Variants in MACF1 observed in about 807,000 individuals in gnomAD.
MACF1 encodes the protein microtubule actin crosslinking factor 1, also known as microtubule-actin cross-linking factor 1.
Under a neutral mutation model 854.8 loss-of-function variants are expected in MACF1, and 193 were observed. The observed-to-expected ratio is 0.23, with a 90% CI of 0.20 to 0.25. MACF1 has a LOEUF of 0.25. Ranked by LOEUF, MACF1 falls within the 10% of genes least tolerant of loss-of-function variation. MACF1 has a pLI of 1.00. For synonymous variants in MACF1, 3,185 were observed against 3,226.7 expected (o/e 0.99, Z 0.44); for missense variants, 7,722 against 8,929.1 (o/e 0.86, Z 5.45).
At chr1:39,430,456 A>G (rs1643861040) in intron 65 of MACF1, among the ~76,000 whole-genome samples, 1 of 152,166 alleles carries the variant, frequency 6.6e-6, no homozygotes, top group African/African-American at 2.4e-5. Context: ...TGAAAGAAGT[A>G]TTAGTTGTTT....
At chr1:39,178,729 G>T (rs1259865910) in intron 2 of MACF1, among the ~76,000 whole-genome samples, 1 of 152,170 alleles carries the variant, frequency 6.6e-6, no homozygotes, top group Non-Finnish European at 1.5e-5. Context: ...TGAAATTCTG[G>T]TCTGGTGTCT....
intron 27 of MACF1, 48 bp from the exon 28 acceptor site, chr1:39,316,343 C>T (rs1408764911): frequency 1.3e-6 from 2 of 1,532,672 alleles, no homozygotes; most frequent in Non-Finnish European, 1.8e-6. Flanking sequence ...ATAACCCTGG[C>T]TCCTAAAATT....
intron 2 of MACF1, among the ~76,000 whole-genome samples, chr1:39,160,297 G>A (rs1229434402): frequency 1.3e-5 from 2 of 152,206 alleles, no homozygotes; most frequent in Non-Finnish European, 2.9e-5. Context: ...AGTCTGGAGT[G>A]AGAAGAGTGC....
In MACF1 at chr1:39,387,432, G is replaced by A. The variant is rs1641848897; in HGVS notation, c.14590G>A (p.Val4864Ile). Residue 4864 changes from valine (V) to isoleucine (I), a missense_variant, in exon 58 of 101, where the codon GTA becomes ATA. By Grantham distance (29) the Val-to-Ile change is conservative (BLOSUM62 3). Around this residue, in one of 15 missense-constraint regions of MACF1, gnomAD observed 2,807 missense variants for 3,235.8 expected, o/e 0.87. Coordinates refer to ENST00000564288, the MANE Select transcript of MACF1 (RefSeq NM_001394062.1). ...TGAAGGGGAATCTCTACTTCTTTCT[G>A]TACCTCCTGGAGAAGAGAAAAGGAC... ...VAEGESLLLS[V>I]PPGEEKRTLQ... 2.5e-6 allele frequency: 4 copies of A among 1,614,070 alleles called. No homozygotes were observed. The highest frequency in any genetic ancestry group is 3.4e-6 in the Non-Finnish European group (4 of 1,180,052).
At chr1:39,435,225 A>C (rs1643947550) in intron 69 of MACF1, among the ~76,000 whole-genome samples, 1 of 152,198 alleles carries the variant, frequency 6.6e-6, no homozygotes, top group Non-Finnish European at 1.5e-5. Context: ...TGTAGAGTAA[A>C]ATAGAGTACA....
intron 51 of MACF1, among the ~76,000 whole-genome samples, chr1:39,371,319 C>CAAAA (rs764951315): frequency 2.5e-5 from 2 of 81,300 alleles, no homozygotes; most frequent in Non-Finnish European, 2.6e-5. Context: ...GACTCTGTCT[C>CAAAA]AAAAAAAAAA....
At chr1:39,385,103 T>G (rs1302206881) in intron 56 of MACF1, among the ~76,000 whole-genome samples, 1 of 152,262 alleles carries the variant, frequency 6.6e-6, no homozygotes, top group Non-Finnish European at 1.5e-5. Flanking sequence ...GGTCTCACTC[T>G]GTTGCCCAGG....
chr1:39,151,745 A>G (rs1049292164), intron 2 of MACF1, among the ~76,000 whole-genome samples: 1 of 152,060 alleles, frequency 6.6e-6, no homozygotes, highest in Non-Finnish European at 1.5e-5. Context: ...CATTAGTTGT[A>G]CCATATTATG....
chr1:39,467,193 C>T (rs1432332153), intron 95 of MACF1, among the ~76,000 whole-genome samples: 3 of 151,990 alleles, frequency 2.0e-5, no homozygotes, highest in Admixed American at 6.6e-5. Flanking sequence ...GGTGAAACAC[C>T]GTCTCTACTA....
chr1:39,298,049 A>G (rs1645961482), intron 21 of MACF1, among the ~76,000 whole-genome samples: 1 of 152,084 alleles, frequency 6.6e-6, no homozygotes, highest in Non-Finnish European at 1.5e-5. Flanking sequence ...TTAATGTAAT[A>G]GTTGGAGCCA....
chr1:39,316,981 A>G (rs1203672564), intron 28 of MACF1, among the ~76,000 whole-genome samples: 2 of 152,252 alleles, frequency 1.3e-5, no homozygotes, highest in Non-Finnish European at 2.9e-5. Context: ...GGTTTCAAAC[A>G]CAAGTTCTAT....
chr1:39,244,581 ATTT>A, intron 2 of MACF1, among the ~76,000 whole-genome samples: 1 of 139,146 alleles, frequency 7.2e-6, no homozygotes, highest in African/African-American at 2.6e-5. Flanking sequence ...GCACCCAGCC[ATTT>A]TTTTTTTTTT....
Position 39,440,990 on chromosome 1 carries a change from C to T in MACF1, c.18448-13C>T, listed in dbSNP as rs752621185. ...TTTCTATTTTGGCTTATATTCTATT[C>T]GTTTACATGTAGACTATTAAGGAAG... is the stretch of plus-strand genomic sequence containing the variant. On this transcript the variant is annotated splice_polypyrimidine_tract_variant and intron_variant, in intron 72 of 100. Coordinates refer to ENST00000564288, the MANE Select transcript of MACF1 (RefSeq NM_001394062.1). 12 of 1,613,762 alleles carry T rather than the reference C, an allele frequency of 7.4e-6. No homozygotes were observed. The highest frequency in any genetic ancestry group is 2.7e-5 in the African/African-American group (2 of 74,876).
chr1:39,116,270 GGTTA>G (rs1219109724), intron 2 of MACF1, among the ~76,000 whole-genome samples: 1 of 152,156 alleles, frequency 6.6e-6, no homozygotes, highest in Non-Finnish European at 1.5e-5. Flanking sequence ...TAAGTTGGTT[GGTTA>G]GAGGTGTAGG....
chr1:39,332,009 G>C lies in MACF1; in HGVS notation c.5421G>C (p.Gln1807His). The change falls in exon 37 of 101, where the codon CAG (glutamine) becomes CAC (histidine). Residue 1807 changes from glutamine (Q) to histidine (H), a missense_variant. This residue lies in a region of MACF1 where 1,531 missense variants were observed against 1,601.6 expected (regional missense o/e 0.96). Transcript: ENST00000564288. ...QDMACAILIR[Q>H]LQTGGIIDTV... ...TGGCCTGTGCTATCCTCATAAGGCA[G>C]CTTCAGACAGGAGGCATCATAGACA... is the stretch of plus-strand genomic sequence containing the variant. 1.9e-6 allele frequency: 3 copies of C among 1,614,020 alleles called. No homozygotes were observed. The highest frequency in any genetic ancestry group is 2.5e-6 in the Non-Finnish European group (3 of 1,179,998).
intron 2 of MACF1, among the ~76,000 whole-genome samples, chr1:39,236,694 G>T (rs1445536251): frequency 6.6e-6 from 1 of 152,054 alleles, no homozygotes; most frequent in African/African-American, 2.4e-5. Context: ...ATGGAGTCTT[G>T]CTTTGTTGCC....
intron 58 of MACF1, among the ~76,000 whole-genome samples, chr1:39,406,753 A>AAAAAAAAAAAAAC (rs1642724906): frequency 6.6e-6 from 1 of 151,026 alleles, no homozygotes; most frequent in African/African-American, 2.4e-5. Flanking sequence ...AAAAAAAAAA[A>AAAAAAAAAAAAAC]AAAAACATTC....
intron 2 of MACF1, among the ~76,000 whole-genome samples, chr1:39,234,440 C>A (rs1309307671): frequency 6.7e-6 from 1 of 148,736 alleles, no homozygotes; most frequent in Non-Finnish European, 1.5e-5. Context: ...ACCTCCCTCC[C>A]GGACGGGGCG....
At chr1:39,347,381 CTGT>C (rs1233112638) in intron 41 of MACF1, among the ~76,000 whole-genome samples, 171 bp downstream of exon 41, 1 of 152,184 alleles carries the variant, frequency 6.6e-6, no homozygotes, top group African/African-American at 2.4e-5. Context: ...CTTGTTCTGG[CTGT>C]TGTTCTTGCC....
Sources: allele counts gnomAD v4.1 joint callset (sites outside exome capture counted in the v4.1 genomes callset), GRCh38; gene constraint gnomAD v4.1.1; regional missense constraint gnomAD v4.1.1; transcripts MANE v1.5; gene names NCBI Gene and HGNC (gene_info 2026-07-23, HGNC 2026-07-21).